The following PDGFRA variants were observed in gnomAD, a reference collection of about 807,000 sequenced individuals.
The protein encoded by PDGFRA is platelet-derived growth factor receptor alpha.
In PDGFRA, 25 loss-of-function variants were observed where a neutral mutation model predicts 121.5. That is an observed-to-expected ratio of 0.21 (90% CI 0.15 to 0.29). PDGFRA has a LOEUF of 0.29. Ranked by LOEUF, PDGFRA falls within the 10% of genes least tolerant of loss-of-function variation. The pLI, the probability that PDGFRA is intolerant of heterozygous loss-of-function variation, is 1.00. For synonymous variants in PDGFRA, 463 were observed against 494.8 expected, an observed-to-expected ratio of 0.94 and a Z score of 0.85; for missense variants, 1,008 against 1,345.1, an observed-to-expected ratio of 0.75 and a Z score of 3.92.
At chr4:54,232,254 C>G (rs565237456) in intron 1 of PDGFRA, among the ~76,000 whole-genome samples, 2 of 152,328 alleles carry the variant, frequency 1.3e-5, no homozygotes, top group East Asian at 3.9e-4. Context: ...ATCTTTCGGT[C>G]TCGCCTGGGG....
At position 54,229,547 on chromosome 4, in the gene PDGFRA, T is replaced by G. The variant is rs74962312; in HGVS notation, c.-13+132T>G. ...AAAAAGGAGCTGGATTCCAGTTGTG[T>G]GTCCAGAGAGTAATTTTTTTTTTTC... On this transcript the variant is annotated intron_variant, in intron 1 of 22. Transcript: ENST00000257290. 3.3e-3 allele frequency: 1,283 copies of G among 390,056 alleles called. 11 individuals are homozygous for G. The highest frequency in any genetic ancestry group is 0.024 in the African/African-American group (1,154 of 48,124). 24.2% of individuals were successfully genotyped at this position (390,056 alleles called of 1,614,324 possible).
At chr4:54,293,436 T>C (rs967157760) in intron 22 of PDGFRA, among the ~76,000 whole-genome samples, 2 of 145,234 alleles carry the variant, frequency 1.4e-5, no homozygotes, top group African/African-American at 5.3e-5. Context: ...TTTCTTTTTT[T>C]TTTTTTTTTT....
In PDGFRA at chr4:54,258,829, A is replaced by G. The variant is rs538602084; in HGVS notation, c.49+12A>G. ...CTGTCTTCTCACAGGTACGGAGCCC[A>G]GTCCTCTCTGAGTTCCTTGTTTGGG... On this transcript the variant is annotated intron_variant, in intron 2 of 22. Coordinates refer to ENST00000257290, the MANE Select transcript of PDGFRA (RefSeq NM_006206.6). 9 of 1,611,684 alleles carry G rather than the reference A, an allele frequency of 5.6e-6. No homozygotes were observed. The highest frequency in any genetic ancestry group is 4.5e-5 in the East Asian group (2 of 44,870).
intron 1 of PDGFRA, among the ~76,000 whole-genome samples, chr4:54,241,193 G>T (rs1014986373): frequency 1.3e-5 from 2 of 151,818 alleles, no homozygotes; most frequent in Non-Finnish European, 2.9e-5. Context: ...TTATATGTGG[G>T]GTTTAAAATA....
intron 1 of PDGFRA, among the ~76,000 whole-genome samples, chr4:54,249,174 A>G (rs982960670): frequency 3.3e-5 from 5 of 152,148 alleles, no homozygotes; most frequent in African/African-American, 7.2e-5. Flanking sequence ...ACTGTAAACT[A>G]TTTGGTTGGT....
chr4:54,251,638 T>C (rs60251664), intron 1 of PDGFRA, among the ~76,000 whole-genome samples: 21,259 of 152,170 alleles, frequency 0.14, 2,504 homozygotes, highest in African/African-American at 0.33. Flanking sequence ...GGCCTTATTC[T>C]TTGTCTATGC....
At chr4:54,267,077 C>A (rs1723066598) in intron 5 of PDGFRA, among the ~76,000 whole-genome samples, 1 of 152,186 alleles carries the variant, frequency 6.6e-6, no homozygotes, top group Non-Finnish European at 1.5e-5. Flanking sequence ...TTTAGGTTTA[C>A]AGCAAAATTG....
At chr4:54,294,232 G>A (rs375631876) in intron 22 of PDGFRA, among the ~76,000 whole-genome samples, 12 of 152,048 alleles carry the variant, frequency 7.9e-5, no homozygotes, top group African/African-American at 2.9e-4. Context: ...GTCTGCGATG[G>A]AACTTCACGG....
rs1723122862 is a variant in PDGFRA at position 54,267,761 on chromosome 4, A to G, written c.1121+20A>G. 2 of 1,606,776 alleles carry G rather than the reference A, an allele frequency of 1.2e-6. No individual in the cohort carries two copies. The highest frequency in any genetic ancestry group is 1.7e-6 in the Non-Finnish European group (2 of 1,173,720). ...AATAAGGTAAAGAAACTCTCTGCCCAAGTATGCCTTTTTTTAGTGTGCATC... is the reference window on the plus strand; with the variant it reads ...AATAAGGTAAAGAAACTCTCTGCCCGAGTATGCCTTTTTTTAGTGTGCATC... On this transcript the variant is annotated intron_variant, in intron 7 of 22. Coordinates refer to ENST00000257290, the MANE Select transcript of PDGFRA (RefSeq NM_006206.6).
intron 16 of PDGFRA, among the ~76,000 whole-genome samples, chr4:54,284,564 C>CAGAGAGAGAGAGAGAGAGAG (rs59292448): frequency 3.5e-3 from 193 of 55,918 alleles, no homozygotes; most frequent in African/African-American, 7.0e-3. Context: ...GAGAGAGAGA[C>CAGAGAGAGAGAGAGAGAGAG]AGAGAGAGAG....
chr4:54,280,289 G>A (rs757845173), intron 15 of PDGFRA, 27 bp from the exon 16 acceptor site: 4 of 1,606,866 alleles, frequency 2.5e-6, no homozygotes, highest in South Asian at 2.2e-5. Context: ...GGCACCCTGG[G>A]TAAGATTTCT....
Position 54,297,557 on chromosome 4 carries a change from G to A in PDGFRA, c.*2285G>A, listed in dbSNP as rs1724934968. Reference sequence around the variant, plus strand: ...GTGCTTTGCATTTTGATATTGCTGTGAGCCTTGCATGACATCATGAGGCCG... The same window carrying A: ...GTGCTTTGCATTTTGATATTGCTGTAAGCCTTGCATGACATCATGAGGCCG... On this transcript the variant is annotated 3_prime_UTR_variant, in exon 23 of 23. Transcript: ENST00000257290. 4.3e-6 allele frequency: 1 copy of A among 233,466 alleles called. No individual in the cohort carries two copies. The highest frequency in any genetic ancestry group is 2.2e-5 in the African/African-American group (1 of 45,320). The allele number at this position is 233,466 out of a possible 1,614,324, so 14.5% of individuals were successfully genotyped here. A position where few individuals can be genotyped will look rare whatever the true frequency, so the allele number is the denominator to read the frequency against.
chr4:54,285,871 G>A lies in PDGFRA; in HGVS notation c.2470G>A (p.Val824Ile), dbSNP rs370600501. The A allele has an allele frequency of 1.2e-5, 20 of 1,613,874 alleles. No homozygotes were observed. Among genetic ancestry groups the A allele is most frequent in the Admixed American group, 3.3e-5 (2 of 59,976 alleles). Reference sequence around the variant, plus strand: ...CCACCGTGATCTGGCTGCTCGCAACGTCCTCCTGGCACAAGGAAAAATTGT... The same window carrying A: ...CCACCGTGATCTGGCTGCTCGCAACATCCTCCTGGCACAAGGAAAAATTGT... ...CVHRDLAARN[V>I]LLAQGKIVKI... The change falls in exon 18 of 23, where the codon GTC (valine) becomes ATC (isoleucine). Residue 824 changes from valine (V) to isoleucine (I), a missense_variant. This residue lies in a region of PDGFRA where 40 missense variants were observed against 127.4 expected (regional missense o/e 0.31). Coordinates refer to ENST00000257290, the MANE Select transcript of PDGFRA (RefSeq NM_006206.6).
intron 1 of PDGFRA, 133 bp downstream of exon 1, chr4:54,229,548 G>A: frequency 2.6e-6 from 1 of 390,360 alleles, no homozygotes; most frequent in Non-Finnish European, 4.5e-6. Flanking sequence ...CCAGTTGTGT[G>A]TCCAGAGAGT....
intron 2 of PDGFRA, among the ~76,000 whole-genome samples, chr4:54,259,144 A>G (rs1016446456): frequency 7.2e-5 from 11 of 151,784 alleles, no homozygotes; most frequent in African/African-American, 2.4e-4. Flanking sequence ...GAGCTGGATT[A>G]GATAAATTCA....
chr4:54,253,597 G>A (rs1209020852), intron 1 of PDGFRA, among the ~76,000 whole-genome samples: 3 of 152,210 alleles, frequency 2.0e-5, no homozygotes, highest in African/African-American at 7.2e-5. Context: ...TCAACACATA[G>A]TTGGCATGAG....
rs1222337550 is a variant in PDGFRA, at chr4:54,296,866, C to A, written c.*1594C>A. The A allele has an allele frequency of 1.3e-5, 3 of 232,866 alleles. No individual in the cohort carries two copies. Among genetic ancestry groups the A allele is most frequent in the Non-Finnish European group, 2.5e-5 (3 of 117,890 alleles). The allele number at this position is 232,866 out of a possible 1,614,324, so 14.4% of individuals were successfully genotyped here. A position where few individuals can be genotyped will look rare whatever the true frequency, so the allele number is the denominator to read the frequency against. On this transcript the variant is annotated 3_prime_UTR_variant, in exon 23 of 23. Transcript: ENST00000257290. ...AATGCCATCTAGCTAGCAATTGCGA[C>A]CTTAATTTAACTTTCCAGTCTTAGC...
intron 1 of PDGFRA, among the ~76,000 whole-genome samples, chr4:54,245,237 G>A (rs1441660505): frequency 1.3e-5 from 2 of 152,100 alleles, no homozygotes; most frequent in African/African-American, 2.4e-5. Context: ...GATACTCCTC[G>A]AGAAGAGCAA....
chr4:54,284,801 CGTGT>C (rs3068267), intron 16 of PDGFRA, among the ~76,000 whole-genome samples: 1 of 147,212 alleles, frequency 6.8e-6, no homozygotes, highest in Non-Finnish European at 1.5e-5. Flanking sequence ...TATATCATTG[CGTGT>C]GTGTGTGTGT....
Sources: allele counts gnomAD v4.1 joint callset (sites outside exome capture counted in the v4.1 genomes callset), GRCh38; gene constraint gnomAD v4.1.1; regional missense constraint gnomAD v4.1.1; transcripts MANE v1.5; gene names NCBI Gene and HGNC (gene_info 2026-07-23, HGNC 2026-07-21).